The following PPP5C variants were observed in gnomAD, a reference collection of about 807,000 sequenced individuals.
PPP5C encodes protein phosphatase 5 catalytic subunit, also known as serine/threonine-protein phosphatase 5.
In PPP5C, 21 loss-of-function variants were observed where a neutral mutation model predicts 66.7. The ratio of observed to expected loss-of-function variants is 0.31; its 90% CI spans 0.22 to 0.45. The LOEUF (loss-of-function observed/expected upper bound fraction) is 0.45. PPP5C is among the 20% of genes least tolerant of loss of function. PPP5C has a pLI of 1.00. For missense variants in PPP5C, 464 were observed against 675.9 expected (o/e 0.69, Z 3.48); for synonymous variants, 246 against 257.4 (o/e 0.96, Z 0.43).
intron 2 of PPP5C, among the ~76,000 whole-genome samples, chr19:46,371,127 AAGACACCACCTATGTTCTTTCCTGT>A (rs1972584239): frequency 1.3e-5 from 2 of 152,044 alleles, no homozygotes; most frequent in African/African-American, 2.4e-5. Flanking sequence ...CCTTTTCCGG[AAGACACCACCTATGTTCTTTCCTGT>A]CTATGCTTGG....
rs563705265 is a variant in PPP5C at position 46,386,479 on chromosome 19, C to T, written c.905-614C>T. ...AGAAGTCAGACAAGCAGAGTCTGAG[C>T]AGATGCGAGACTGGGCAGCCTTCTC... On this transcript the variant is annotated intron_variant, in intron 7 of 12. Coordinates refer to ENST00000012443, the MANE Select transcript of PPP5C (RefSeq NM_006247.4). 2.6e-5 allele frequency among the ~76,000 whole-genome samples: 4 copies of T among 151,414 alleles called. No individual in the cohort carries two copies. The South Asian group carries it at 8.3e-4, about 31-fold the overall frequency.
chr19:46,387,878 A>G (rs1485840516), intron 9 of PPP5C: 1 of 470,354 alleles, frequency 2.1e-6, no homozygotes, highest in South Asian at 2.5e-5. Context: ...AGGCCTCTCC[A>G]GGGAGGCGAG....
chr19:46,369,493 G>A (rs1472136791), intron 2 of PPP5C, among the ~76,000 whole-genome samples: 1 of 151,926 alleles, frequency 6.6e-6, no homozygotes, highest in Non-Finnish European at 1.5e-5. Context: ...TTAGCCGGGC[G>A]TGGTGGCAGG....
At chr19:46,366,654 A>C (rs1972496349) in intron 2 of PPP5C, among the ~76,000 whole-genome samples, 1 of 152,184 alleles carries the variant, frequency 6.6e-6, no homozygotes, top group Non-Finnish European at 1.5e-5. Context: ...TTTTAAAGAA[A>C]AAAAGGACAA....
chr19:46,351,035 G>A (rs1208505847), intron 1 of PPP5C, among the ~76,000 whole-genome samples: 2 of 152,126 alleles, frequency 1.3e-5, no homozygotes, highest in African/African-American at 2.4e-5. Context: ...TGTCTCAACT[G>A]TCTTCCCCTC....
At chr19:46,385,178 A>G (rs76629987) in intron 7 of PPP5C, among the ~76,000 whole-genome samples, 4,591 of 152,282 alleles carry the variant, frequency 0.03, 101 homozygotes, top group African/African-American at 0.058. Flanking sequence ...CCCTTATTCT[A>G]ATTTGCACAA....
chr19:46,347,394 G>A (rs1972101346), intron 1 of PPP5C, among the ~76,000 whole-genome samples, 177 bp downstream of exon 1: 1 of 152,178 alleles, frequency 6.6e-6, no homozygotes. Context: ...GCTTCGGAGA[G>A]TGATACCTAG....
intron 2 of PPP5C, among the ~76,000 whole-genome samples, chr19:46,361,149 A>G (rs1358137219): frequency 2.9e-4 from 9 of 31,372 alleles, no homozygotes; most frequent in Non-Finnish European, 6.0e-4. Context: ...TTTTTTTTTG[A>G]GACGGAGTCT....
In PPP5C at chr19:46,387,154, G is replaced by A; in HGVS notation, c.966G>A (p.Lys322=). The change falls in exon 8 of 13, where the codon AAG becomes AAA. Residue 322 remains lysine, a synonymous_variant. Transcript: ENST00000012443. ...GTTTCGAGGGTGAGGTGAAGGCCAA[G>A]TACACAGCCCAGATGTACGAGCTCT... The part of the protein sequence containing the change: ...IYGFEGEVKA[K]YTAQMYELFS... 6.2e-7 allele frequency: 1 copy of A among 1,614,256 alleles called. No individual in the cohort carries two copies. The highest frequency in any genetic ancestry group is 8.5e-7 in the Non-Finnish European group (1 of 1,180,048).
At chr19:46,361,409 G>A (rs1451204260) in intron 2 of PPP5C, among the ~76,000 whole-genome samples, 6 of 146,248 alleles carry the variant, frequency 4.1e-5, no homozygotes, top group African/African-American at 1.5e-4. Context: ...GATTACAGGC[G>A]TGAGCCACTG....
chr19:46,364,756 T>C (rs1330393769), intron 2 of PPP5C, among the ~76,000 whole-genome samples: 1 of 152,178 alleles, frequency 6.6e-6, no homozygotes, highest in Non-Finnish European at 1.5e-5. Flanking sequence ...TTCTAAATCC[T>C]GCCTTTTCCA....
At chr19:46,389,201 G>A (rs565789729) in intron 11 of PPP5C, among the ~76,000 whole-genome samples, 2 of 152,026 alleles carry the variant, frequency 1.3e-5, no homozygotes, top group African/African-American at 2.4e-5. Context: ...GCACACACCC[G>A]TAATCCCAGC....
intron 2 of PPP5C, among the ~76,000 whole-genome samples, chr19:46,356,242 G>T (rs933496590): frequency 2.0e-5 from 3 of 152,230 alleles, no homozygotes; most frequent in African/African-American, 4.8e-5. Context: ...TCTCCCAGCA[G>T]CATTGGGGAC....
intron 1 of PPP5C, among the ~76,000 whole-genome samples, chr19:46,348,417 G>A (rs947017468): frequency 7.3e-5 from 11 of 150,466 alleles, no homozygotes; most frequent in East Asian, 2.0e-4. Context: ...TGGTTCAAGC[G>A]ATTCTCCTGC....
At chr19:46,356,469 G>C (rs765525796) in intron 2 of PPP5C, among the ~76,000 whole-genome samples, 1 of 152,212 alleles carries the variant, frequency 6.6e-6, no homozygotes, top group African/African-American at 2.4e-5. Flanking sequence ...GGCCTTGGGC[G>C]GGGGAGCTCC....
intron 2 of PPP5C, among the ~76,000 whole-genome samples, chr19:46,373,944 G>A (rs544893207): frequency 1.2e-4 from 19 of 152,330 alleles, no homozygotes; most frequent in African/African-American, 1.7e-4. Flanking sequence ...CCAGCATGCC[G>A]GGGACATGAG....
chr19:46,354,668 G>A lies in PPP5C; in HGVS notation c.363+679G>A, dbSNP rs578168482. Among the ~76,000 whole-genome samples, 13 of 152,154 alleles carry A rather than the reference G, an allele frequency of 8.5e-5. No individual in the cohort carries two copies. The East Asian group carries it at 1.5e-3, about 18-fold the overall frequency. On this transcript the variant is annotated intron_variant, in intron 2 of 12. Transcript: ENST00000012443. ...AAAAATTAGCCAAGCGTGGTGGCAC[G>A]CACCTTTAGTCCCAGCTACTCAGGA...
At chr19:46,351,242 C>T (rs2147358918) in intron 1 of PPP5C, among the ~76,000 whole-genome samples, 1 of 152,250 alleles carries the variant, frequency 6.6e-6, no homozygotes, top group Middle Eastern at 3.4e-3. Context: ...TTCTCTGGGC[C>T]TCTGTTTCCT....
At chr19:46,387,517 C>T (rs751911869) in intron 9 of PPP5C, 64 bp downstream of exon 9, 5 of 1,613,328 alleles carry the variant, frequency 3.1e-6, no homozygotes, top group Non-Finnish European at 3.4e-6. Flanking sequence ...CTCTCCCCTG[C>T]AACCCAGCCC....
Sources: allele counts gnomAD v4.1 joint callset (sites outside exome capture counted in the v4.1 genomes callset), GRCh38; gene constraint gnomAD v4.1.1; transcripts MANE v1.5; gene names NCBI Gene and HGNC (gene_info 2026-07-23, HGNC 2026-07-21).